NOX3: variants seen among roughly 807,000 people sequenced by gnomAD.
NOX3 encodes NADPH oxidase catalytic subunit-like 3.
A neutral mutation model predicts 76.7 loss-of-function variants in NOX3; 74 were observed. The observed-to-expected ratio is 0.96, with a 90% confidence interval of 0.80 to 1.17. NOX3 has a LOEUF of 1.17. Among genes scored for constraint, NOX3 ranks in the 50% most tolerant of loss-of-function variants. The pLI is 0.00. For missense variants in NOX3, 695 were observed against 703.3 expected, an observed-to-expected ratio of 0.99 and a Z score of 0.13; for synonymous variants, 263 against 261.1, an observed-to-expected ratio of 1.01 and a Z score of -0.07.
rs1019438294 is a variant in NOX3 at position 155,414,738 on chromosome 6, C to T, written c.1309-3378G>A. Among the ~76,000 whole-genome samples, 6 of 151,048 alleles carry T rather than the reference C, an allele frequency of 4.0e-5. No individual in the cohort carries two copies. The East Asian group carries it at 1.2e-3, about 30-fold the overall frequency. ...CACCTCCCGGGTTCAAGTGATTCTC[C>T]TGCCTCAGCTTCCCAAGTAGCTGGG... On this transcript the variant is annotated intron_variant, in intron 10 of 13. Coordinates refer to ENST00000159060, the MANE Select transcript of NOX3 (RefSeq NM_015718.3).
intron 10 of NOX3, among the ~76,000 whole-genome samples, chr6:155,418,223 AT>A (rs1019779020): frequency 5.3e-5 from 8 of 152,004 alleles, no homozygotes; most frequent in African/African-American, 1.7e-4. Flanking sequence ...AACCGTCCTA[AT>A]TTTTTTTCAA....
chr6:155,432,676 T>C (rs1236317792), intron 7 of NOX3, among the ~76,000 whole-genome samples: 1 of 152,146 alleles, frequency 6.6e-6, no homozygotes, highest in Non-Finnish European at 1.5e-5. Flanking sequence ...CTGGGGGGGC[T>C]CTTGGCCTCA....
intron 10 of NOX3, among the ~76,000 whole-genome samples, chr6:155,418,026 C>A (rs555472150): frequency 8.5e-5 from 13 of 152,274 alleles, no homozygotes; most frequent in African/African-American, 3.1e-4. Flanking sequence ...AGTCTGAAGA[C>A]TACATATGCA....
intron 4 of NOX3, 94 bp from the exon 5 acceptor site, chr6:155,443,512 G>T: frequency 7.0e-7 from 1 of 1,428,474 alleles, no homozygotes; most frequent in East Asian, 2.5e-5. Context: ...AAGTTTCTCT[G>T]TTCTGGTTTT....
chr6:155,408,221 C>G (rs999153205), intron 11 of NOX3, among the ~76,000 whole-genome samples: 26 of 152,164 alleles, frequency 1.7e-4, no homozygotes, highest in African/African-American at 6.0e-4. Flanking sequence ...CTCCTGACCT[C>G]ATGATCCACC....
chr6:155,415,747 C>T (rs1445857551), intron 10 of NOX3, among the ~76,000 whole-genome samples: 2 of 152,072 alleles, frequency 1.3e-5, no homozygotes, highest in African/African-American at 4.8e-5. Flanking sequence ...ACAATAGCTC[C>T]TGAGGTTATT....
chr6:155,404,312 C>T (rs1779276516), intron 12 of NOX3, among the ~76,000 whole-genome samples: 1 of 151,956 alleles, frequency 6.6e-6, no homozygotes, highest in East Asian at 1.9e-4. Context: ...GCACTGGGGG[C>T]CCTGGAGCCA....
At chr6:155,423,743 C>CTT (rs528445827) in intron 9 of NOX3, among the ~76,000 whole-genome samples, 24 of 137,530 alleles carry the variant, frequency 1.7e-4, no homozygotes, top group African/African-American at 2.7e-4. Flanking sequence ...TTTTCTTTTT[C>CTT]TTTTTTTTTT....
intron 4 of NOX3, among the ~76,000 whole-genome samples, chr6:155,445,357 A>G (rs1211231459): frequency 3.9e-5 from 6 of 152,204 alleles, no homozygotes; most frequent in Admixed American, 6.5e-5. Context: ...GTGGTTGTAC[A>G]TTGTGGGTTG....
chr6:155,432,516 T>G (rs1776847794), intron 7 of NOX3, among the ~76,000 whole-genome samples: 1 of 152,196 alleles, frequency 6.6e-6, no homozygotes, highest in Non-Finnish European at 1.5e-5. Flanking sequence ...TCTGGCTCTG[T>G]CTCTTCTGTT....
At chr6:155,418,103 T>C (rs755528487) in intron 10 of NOX3, among the ~76,000 whole-genome samples, 4 of 152,196 alleles carry the variant, frequency 2.6e-5, no homozygotes, top group Non-Finnish European at 4.4e-5. Context: ...GCTGTGATAT[T>C]AGGGAGAACT....
At chr6:155,439,558 G>GT (rs1776953925) in intron 6 of NOX3, among the ~76,000 whole-genome samples, 1 of 152,194 alleles carries the variant, frequency 6.6e-6, no homozygotes, top group Non-Finnish European at 1.5e-5. Context: ...TGCCCGAACA[G>GT]TGGGTTTCCT....
chr6:155,437,139 C>T (rs954118132), intron 6 of NOX3, among the ~76,000 whole-genome samples: 6 of 152,252 alleles, frequency 3.9e-5, no homozygotes, highest in Admixed American at 2.6e-4. Context: ...AGAAGGCAGT[C>T]CTAATGACCG....
At chr6:155,418,888 T>A (rs1159424851) in intron 10 of NOX3, among the ~76,000 whole-genome samples, 6 of 152,246 alleles carry the variant, frequency 3.9e-5, no homozygotes, top group African/African-American at 1.4e-4. Context: ...ACCAGTGTTT[T>A]TACACATGGA....
At chr6:155,453,341 A>G in intron 4 of NOX3, 63 bp downstream of exon 4, 1 of 1,312,736 alleles carries the variant, frequency 7.6e-7, no homozygotes, top group Non-Finnish European at 1.1e-6. Flanking sequence ...CAGAGTTAAA[A>G]CAAAACTATG....
chr6:155,437,320 C>T (rs1274575517), intron 6 of NOX3, among the ~76,000 whole-genome samples: 1 of 152,174 alleles, frequency 6.6e-6, no homozygotes, highest in Non-Finnish European at 1.5e-5. Context: ...TGTTCAGTTC[C>T]TAGGTGTTTG....
At chr6:155,426,470 C>T (rs1011629733) in intron 9 of NOX3, among the ~76,000 whole-genome samples, 5 of 152,152 alleles carry the variant, frequency 3.3e-5, no homozygotes, top group African/African-American at 4.8e-5. Context: ...GGCATCATGG[C>T]GATTGAGTGA....
intron 4 of NOX3, among the ~76,000 whole-genome samples, chr6:155,444,307 C>T (rs1290902766): frequency 2.0e-5 from 3 of 152,176 alleles, no homozygotes; most frequent in Admixed American, 2.0e-4. Context: ...AATCTCATGC[C>T]ATCCCGCTCT....
chr6:155,451,432 C>T (rs1010241832), intron 4 of NOX3, among the ~76,000 whole-genome samples: 4 of 152,088 alleles, frequency 2.6e-5, no homozygotes, highest in Non-Finnish European at 5.9e-5. Flanking sequence ...CTAAAACAGC[C>T]CTGACCACAC....
Sources: gnomAD v4.1 joint callset for allele counts (sites outside exome capture counted in the v4.1 genomes callset) on GRCh38, gnomAD v4.1.1 for gene constraint, MANE v1.5 for transcripts, NCBI Gene and HGNC (gene_info 2026-07-23, HGNC 2026-07-21) for gene names.